The following SEL1L3 variants were observed in gnomAD, a reference collection of about 807,000 sequenced individuals.
SEL1L3 encodes SEL1L family member 3, also known as protein sel-1 homolog 3.
Under a neutral mutation model 142.8 loss-of-function variants are expected in SEL1L3, and 76 were observed. The observed-to-expected ratio is 0.53, with a 90% CI of 0.44 to 0.64. SEL1L3 has a LOEUF of 0.64. Among genes scored for constraint, SEL1L3 ranks in the 30% least tolerant of loss-of-function variants. The probability of loss-of-function intolerance (pLI) is 0.00; values close to 1 mark genes in which losing one functional copy is unlikely to be tolerated. For synonymous variants in SEL1L3, 504 were observed against 519.6 expected (o/e 0.97, Z 0.41); for missense variants, 1,262 against 1,381.7 (o/e 0.91, Z 1.37).
intron 17 of SEL1L3, among the ~76,000 whole-genome samples, chr4:25,775,059 G>A (rs1195588292): frequency 1.3e-5 from 2 of 152,208 alleles, no homozygotes; most frequent in South Asian, 2.1e-4. Flanking sequence ...GAGGGTGGGA[G>A]GTTGGGAAAG....
chr4:25,830,113 T>C lies in SEL1L3; in HGVS notation c.1142A>G (p.His381Arg), dbSNP rs770878603. ...TSIGQDLKSY[H>R]NQTISFREDF... Reference sequence around the variant, plus strand: ...TCGCACTTACCTAATGGTCTGATTGTGGTAGCTTTTCAAATCCTGTCCAAT... The same window carrying C: ...TCGCACTTACCTAATGGTCTGATTGCGGTAGCTTTTCAAATCCTGTCCAAT... Residue 381 changes from histidine to arginine, a missense_variant, in exon 6 of 24, where the codon CAC becomes CGC. Transcript: ENST00000399878. 1 of 1,610,748 alleles carries C rather than the reference T, an allele frequency of 6.2e-7. No homozygotes were observed. The highest frequency in any genetic ancestry group is 1.7e-5 in the Admixed American group (1 of 59,988).
intron 19 of SEL1L3, among the ~76,000 whole-genome samples, chr4:25,766,508 T>C (rs114592448): frequency 0.022 from 3,248 of 149,816 alleles, 98 homozygotes; most frequent in African/African-American, 0.075. Context: ...CCGTTTCAAG[T>C]GGTTCAAAAG....
chr4:25,725,971 G>A, the SEL1L3 span, among the ~76,000 whole-genome samples: 81 of 152,152 alleles, frequency 5.3e-4, no homozygotes, highest in African/African-American at 1.8e-3. Context: ...CCTCGTGACC[G>A]GTATCTTGTG....
chr4:25,859,599 T>C (rs1464213591), intron 1 of SEL1L3, among the ~76,000 whole-genome samples: 1 of 152,202 alleles, frequency 6.6e-6, no homozygotes, highest in Non-Finnish European at 1.5e-5. Flanking sequence ...CCAGCCCTTG[T>C]GAACAGGCAA....
At chr4:25,750,922 G>A (rs755315931) in intron 23 of SEL1L3, among the ~76,000 whole-genome samples, 4 of 152,322 alleles carry the variant, frequency 2.6e-5, no homozygotes, top group Non-Finnish European at 5.9e-5. Flanking sequence ...GGTTTAAAAC[G>A]TTACCTAGTT....
At chr4:25,718,106 G>A in the SEL1L3 span, 2 of 152,090 alleles carry the variant, frequency 1.3e-5, no homozygotes, top group Non-Finnish European at 2.9e-5. Context: ...TAATTTTAGG[G>A]TTTAAGGATA....
intron 6 of SEL1L3, among the ~76,000 whole-genome samples, chr4:25,827,798 A>G (rs2109273184): frequency 6.6e-6 from 1 of 151,836 alleles, no homozygotes; most frequent in East Asian, 1.9e-4. Context: ...AAATTCAACC[A>G]GTGGTCGAAA....
Position 25,788,202 on chromosome 4 carries a change from G to A in SEL1L3, c.2217+22C>T, listed in dbSNP as rs1466274962. On this transcript the variant is annotated intron_variant, in intron 13 of 23. Transcript: ENST00000399878. The surrounding 1 kb of genome is among the most constrained non-coding windows in gnomAD (Gnocchi z 5.3). ...GTCTGATAAGAATTGCACAATTTCA[G>A]CACGAATTAAGTGATTCTTACCTTG... 2.5e-6 allele frequency: 4 copies of A among 1,610,866 alleles called. No individual in the cohort carries two copies. The highest frequency in any genetic ancestry group is 1.3e-5 in the African/African-American group (1 of 74,880).
chr4:25,791,828 G>A (rs183586135), intron 11 of SEL1L3, among the ~76,000 whole-genome samples: 133 of 151,896 alleles, frequency 8.8e-4, no homozygotes, highest in Non-Finnish European at 1.6e-3. Context: ...CACGAGAATC[G>A]CTTGAACCTG....
intron 9 of SEL1L3, among the ~76,000 whole-genome samples, chr4:25,805,546 G>A (rs1456685504): frequency 3.9e-5 from 6 of 152,110 alleles, no homozygotes; most frequent in African/African-American, 9.7e-5. Context: ...ACTTTACCAC[G>A]CGGATAGAGA....
the SEL1L3 span, among the ~76,000 whole-genome samples, chr4:25,729,422 C>T: frequency 1.3e-5 from 2 of 152,196 alleles, no homozygotes; most frequent in Non-Finnish European, 2.9e-5. Context: ...CTGTTAAATA[C>T]ATATATTTAG....
intron 6 of SEL1L3, among the ~76,000 whole-genome samples, chr4:25,823,870 C>A (rs763192732): frequency 6.6e-6 from 1 of 152,076 alleles, no homozygotes; most frequent in African/African-American, 2.4e-5. Context: ...TATTTCAGAA[C>A]GAGGGATGGA....
At chr4:25,820,898 A>C (rs1488738602) in intron 7 of SEL1L3, among the ~76,000 whole-genome samples, 2 of 151,832 alleles carry the variant, frequency 1.3e-5, no homozygotes, top group Admixed American at 6.6e-5. Flanking sequence ...ACGTCCAGCT[A>C]ATTTTTGTAT....
rs1396372713 is a variant in SEL1L3, at chr4:25,847,695, A to C, written c.332T>G (p.Val111Gly). The C allele has an allele frequency of 6.2e-7, 1 of 1,613,966 alleles. No individual in the cohort carries two copies. The highest frequency in any genetic ancestry group is 1.1e-5 in the South Asian group (1 of 91,080). Residue 111 changes from valine (V) to glycine (G), a missense_variant, in exon 2 of 24, where the codon GTC (valine) becomes GGC (glycine). Val to Gly is a moderately radical substitution (Grantham distance 109). This residue lies in a region of SEL1L3 where 689 missense variants were observed against 692.8 expected (regional missense o/e 0.99). Coordinates refer to ENST00000399878, the MANE Select transcript of SEL1L3 (RefSeq NM_015187.5). ...VEYLCSQPCV[V>G]NLEAVVSSEF... ...AGATGAAACAACTGCTTCCAAATTG[A>C]CAACACAAGGCTGAGAGCATAAATA...
chr4:25,834,388 G>A (rs915501513), intron 3 of SEL1L3, among the ~76,000 whole-genome samples: 1 of 152,238 alleles, frequency 6.6e-6, no homozygotes, highest in Non-Finnish European at 1.5e-5. Context: ...TTTTGTATGT[G>A]AAACATGGAT....
intron 9 of SEL1L3, among the ~76,000 whole-genome samples, chr4:25,806,050 T>G (rs994128392): frequency 2.0e-5 from 3 of 150,800 alleles, no homozygotes; most frequent in African/African-American, 7.3e-5. Flanking sequence ...TGTTTTTTTT[T>G]TTTTTTGAGA....
chr4:25,778,981 T>C, intron 16 of SEL1L3, 95 bp downstream of exon 16: 1 of 1,139,740 alleles, frequency 8.8e-7, no homozygotes, highest in Non-Finnish European at 1.2e-6. Flanking sequence ...CATGTACAAC[T>C]GGTAAAAATA....
At chr4:25,753,497 G>A (rs1717738578) in intron 23 of SEL1L3, among the ~76,000 whole-genome samples, 1 of 152,188 alleles carries the variant, frequency 6.6e-6, no homozygotes, top group South Asian at 2.1e-4. Flanking sequence ...ACCCATCCCT[G>A]TCTTCCCCCA....
chr4:25,823,756 G>T (rs965014557), intron 6 of SEL1L3, among the ~76,000 whole-genome samples: 5 of 152,110 alleles, frequency 3.3e-5, no homozygotes, highest in African/African-American at 9.7e-5. Context: ...CAGGCAGGCT[G>T]CCAGGAGCCC....
Sources: allele counts gnomAD v4.1 joint callset (sites outside exome capture counted in the v4.1 genomes callset), GRCh38; gene constraint gnomAD v4.1.1; regional missense constraint gnomAD v4.1.1; non-coding constraint Gnocchi (gnomAD v3.1); transcripts MANE v1.5; gene names NCBI Gene and HGNC (gene_info 2026-07-23, HGNC 2026-07-21).